RHEB: variants seen among roughly 807,000 people sequenced by gnomAD.
RHEB encodes Ras homolog, mTORC1 binding, also known as GTP-binding protein Rheb.
A neutral mutation model predicts 28.8 loss-of-function variants in RHEB; 2 were observed. That is an observed-to-expected ratio of 0.07 (90% CI 0.03 to 0.22). The LOEUF (loss-of-function observed/expected upper bound fraction) is 0.22, where lower values mean the gene tolerates loss of function less well. RHEB is among the 10% of genes least tolerant of loss of function. The probability of loss-of-function intolerance (pLI) is 1.00; values close to 1 mark genes in which losing one functional copy is unlikely to be tolerated. For missense variants in RHEB, 76 were observed against 219.9 expected (o/e 0.35, Z 4.14); for synonymous variants, 69 against 77.3 (o/e 0.89, Z 0.56).
intron 1 of RHEB, among the ~76,000 whole-genome samples, chr7:151,497,073 C>A (rs1355157196): frequency 6.6e-6 from 1 of 151,840 alleles, no homozygotes. Flanking sequence ...CAGGTATGAG[C>A]CGCCGCACCC....
intron 7 of RHEB, among the ~76,000 whole-genome samples, chr7:151,469,822 A>G (rs574900023): frequency 2.6e-5 from 4 of 152,286 alleles, no homozygotes; most frequent in Non-Finnish European, 5.9e-5. Flanking sequence ...CAAATTATTG[A>G]CTGCATTCAG....
chr7:151,515,219 T>C (rs1279023827), intron 1 of RHEB, among the ~76,000 whole-genome samples: 3 of 152,170 alleles, frequency 2.0e-5, no homozygotes, highest in African/African-American at 7.2e-5. Context: ...GAAAACATTA[T>C]ACTAAGTAAA....
chr7:151,476,778 AACAG>A (rs1299826064), intron 4 of RHEB, among the ~76,000 whole-genome samples: 2 of 152,214 alleles, frequency 1.3e-5, no homozygotes, highest in African/African-American at 4.8e-5. Flanking sequence ...CTGTTCTGTT[AACAG>A]ACACAGACCA....
chr7:151,491,488 C>A (rs1802580023), intron 1 of RHEB, among the ~76,000 whole-genome samples: 1 of 152,200 alleles, frequency 6.6e-6, no homozygotes, highest in Non-Finnish European at 1.5e-5. Context: ...GTAATCCCAG[C>A]ACTTTGGGAG....
intron 2 of RHEB, among the ~76,000 whole-genome samples, chr7:151,487,727 A>G (rs1448779486): frequency 6.6e-6 from 1 of 152,174 alleles, no homozygotes; most frequent in African/African-American, 2.4e-5. Flanking sequence ...TTTTAACCTC[A>G]TGTCAAAGTG....
intron 7 of RHEB, among the ~76,000 whole-genome samples, chr7:151,467,666 C>T (rs1362434735): frequency 2.6e-5 from 4 of 152,182 alleles, no homozygotes; most frequent in African/African-American, 4.8e-5. Flanking sequence ...ACCCTCCGTG[C>T]TCCTGAGATG....
At chr7:151,493,788 T>A (rs1371913957) in intron 1 of RHEB, among the ~76,000 whole-genome samples, 1 of 152,194 alleles carries the variant, frequency 6.6e-6, no homozygotes. Context: ...TATGCTAGCC[T>A]GTAAAGGAGA....
chr7:151,497,570 A>G (rs1022709643), intron 1 of RHEB, among the ~76,000 whole-genome samples: 1 of 152,204 alleles, frequency 6.6e-6, no homozygotes, highest in African/African-American at 2.4e-5. Context: ...GCCATGATTA[A>G]GACATGCTAT....
At chr7:151,503,518 C>A in intron 1 of RHEB, 1 of 769,660 alleles carries the variant, frequency 1.3e-6, no homozygotes, top group Admixed American at 2.1e-5. Flanking sequence ...AAGAAGCATA[C>A]CCATGGTGGA....
chr7:151,513,383 T>C (rs887882313), intron 1 of RHEB, among the ~76,000 whole-genome samples: 1 of 152,242 alleles, frequency 6.6e-6, no homozygotes, highest in Non-Finnish European at 1.5e-5. Flanking sequence ...CCAAGGAAAT[T>C]ATTTGAACTC....
chr7:151,487,464 C>A (rs530829854), intron 2 of RHEB, among the ~76,000 whole-genome samples: 5 of 146,990 alleles, frequency 3.4e-5, no homozygotes, highest in African/African-American at 1.3e-4. Flanking sequence ...GTTGCCAAGT[C>A]AAAAAAATGC....
intron 1 of RHEB, among the ~76,000 whole-genome samples, chr7:151,510,062 ACTTTTCACAGAG>A: frequency 1.3e-5 from 2 of 152,254 alleles, no homozygotes; most frequent in Non-Finnish European, 2.9e-5. Flanking sequence ...AAAGTCTAAA[ACTTTTCACAGAG>A]CAGACAAAAC....
chr7:151,470,700 A>AT (rs1802146036), intron 6 of RHEB, 48 bp from the exon 7 acceptor site: 2 of 1,275,654 alleles, frequency 1.6e-6, no homozygotes, highest in African/African-American at 3.0e-5. Flanking sequence ...TCTTCATTAT[A>AT]TAAAACATGT....
intron 3 of RHEB, among the ~76,000 whole-genome samples, chr7:151,481,681 C>A (rs949879406): frequency 1.3e-5 from 2 of 152,188 alleles, no homozygotes; most frequent in Non-Finnish European, 2.9e-5. Flanking sequence ...GTAAATATAA[C>A]CTTCAAGAAC....
intron 3 of RHEB, among the ~76,000 whole-genome samples, chr7:151,483,389 A>G (rs1400823157): frequency 6.6e-6 from 1 of 151,734 alleles, no homozygotes; most frequent in Non-Finnish European, 1.5e-5. Context: ...ATCACACTAC[A>G]CTCACCCTCC....
chr7:151,515,198 G>A (rs1584870672), intron 1 of RHEB, among the ~76,000 whole-genome samples: 1 of 152,192 alleles, frequency 6.6e-6, no homozygotes, highest in South Asian at 2.1e-4. Flanking sequence ...GCTACAACAT[G>A]AACGAACCTT....
intron 1 of RHEB, among the ~76,000 whole-genome samples, chr7:151,505,322 A>G (rs1802851105): frequency 6.6e-6 from 1 of 152,252 alleles, no homozygotes. Flanking sequence ...TATATAATTC[A>G]GTAAGAAGAA....
intron 6 of RHEB, among the ~76,000 whole-genome samples, chr7:151,471,038 C>T (rs1368521535): frequency 6.6e-6 from 1 of 152,250 alleles, no homozygotes; most frequent in Non-Finnish European, 1.5e-5. Flanking sequence ...GAGTCTCTTC[C>T]TCTCTGACAT....
chr7:151,519,325 G>C (rs1241751104), intron 1 of RHEB, 135 bp downstream of exon 1: 1 of 530,218 alleles, frequency 1.9e-6, no homozygotes, highest in Non-Finnish European at 2.7e-6. Context: ...CAGAATGGTG[G>C]TTACGAAACG....
Sources: allele counts gnomAD v4.1 joint callset (sites outside exome capture counted in the v4.1 genomes callset), GRCh38; gene constraint gnomAD v4.1.1; transcripts MANE v1.5; gene names NCBI Gene and HGNC (gene_info 2026-07-23, HGNC 2026-07-21).